SETBP1: variants seen among roughly 807,000 people sequenced by gnomAD.
SETBP1 encodes the protein SET-binding protein.
In SETBP1, 9 loss-of-function variants were observed where a neutral mutation model predicts 101.0. That is an observed-to-expected ratio of 0.09 (90% CI 0.05 to 0.16). The LOEUF (loss-of-function observed/expected upper bound fraction) is 0.16. SETBP1 is among the 10% of genes least tolerant of loss of function. The probability of loss-of-function intolerance (pLI) is 1.00; values close to 1 mark genes in which losing one functional copy is unlikely to be tolerated. For missense variants in SETBP1, 1,858 were observed against 2,033.8 expected (o/e 0.91, Z 1.66); for synonymous variants, 818 against 788.5 (o/e 1.04, Z -0.63).
At chr18:44,917,761 G>A (rs1165574580) in intron 3 of SETBP1, among the ~76,000 whole-genome samples, 2 of 152,146 alleles carry the variant, frequency 1.3e-5, no homozygotes, top group African/African-American at 4.8e-5. Context: ...GTGCCCTGGA[G>A]CTCTGTGTCC....
chr18:44,800,572 T>C (rs1229028723), intron 2 of SETBP1, among the ~76,000 whole-genome samples: 2 of 151,848 alleles, frequency 1.3e-5, no homozygotes, highest in East Asian at 3.9e-4. Flanking sequence ...TGCAGAGGGG[T>C]GAGCAGGAGT....
chr18:44,716,649 A>T (rs904674762), intron 2 of SETBP1, among the ~76,000 whole-genome samples: 1 of 151,988 alleles, frequency 6.6e-6, no homozygotes, highest in Non-Finnish European at 1.5e-5. Context: ...TGCAACCTCC[A>T]ACTCCCAGGT....
intron 2 of SETBP1, among the ~76,000 whole-genome samples, chr18:44,719,587 C>T (rs2069540581): frequency 6.6e-6 from 1 of 152,256 alleles, no homozygotes; most frequent in Admixed American, 6.5e-5. Flanking sequence ...CTGCAGATAC[C>T]CTATAAGCAG....
intron 3 of SETBP1, among the ~76,000 whole-genome samples, chr18:44,946,614 T>C (rs910290148): frequency 9.2e-5 from 14 of 152,242 alleles, no homozygotes; most frequent in Non-Finnish European, 1.5e-5. Flanking sequence ...CATCATCAAA[T>C]GACAGATTAG....
chr18:44,962,184 G>A (rs141074673), intron 4 of SETBP1, among the ~76,000 whole-genome samples: 5 of 152,308 alleles, frequency 3.3e-5, no homozygotes, highest in East Asian at 1.9e-4. Context: ...TGGGAGCTGC[G>A]GGGACCCAGG....
At chr18:44,727,503 AG>A (rs1361925969) in intron 2 of SETBP1, among the ~76,000 whole-genome samples, 1 of 152,194 alleles carries the variant, frequency 6.6e-6, no homozygotes, top group Admixed American at 6.5e-5. Flanking sequence ...GATGGACAGT[AG>A]GTGGACACTG....
intron 3 of SETBP1, among the ~76,000 whole-genome samples, chr18:44,905,544 A>G (rs997912684): frequency 6.6e-6 from 1 of 151,576 alleles, no homozygotes; most frequent in African/African-American, 2.4e-5. Context: ...ATGGGTGCTA[A>G]GAGAATTTCC....
chr18:44,918,717 T>G (rs1421202318), intron 3 of SETBP1, among the ~76,000 whole-genome samples: 1 of 152,208 alleles, frequency 6.6e-6, no homozygotes, highest in African/African-American at 2.4e-5. Context: ...TGCTAGAATG[T>G]TTACAAAAGA....
intron 3 of SETBP1, among the ~76,000 whole-genome samples, chr18:44,908,728 C>T (rs533670083): frequency 1.3e-5 from 2 of 152,256 alleles, no homozygotes; most frequent in East Asian, 3.9e-4. Flanking sequence ...TGTAGAAAGG[C>T]TCTCCTAGAT....
At chr18:44,921,898 A>C (rs912843807) in intron 3 of SETBP1, among the ~76,000 whole-genome samples, 1 of 152,220 alleles carries the variant, frequency 6.6e-6, no homozygotes, top group Non-Finnish European at 1.5e-5. Flanking sequence ...CCAGGGCACA[A>C]GGAACTCCAC....
intron 4 of SETBP1, among the ~76,000 whole-genome samples, chr18:44,957,800 A>T (rs1459560703): frequency 6.6e-6 from 1 of 152,226 alleles, no homozygotes; most frequent in Non-Finnish European, 1.5e-5. Flanking sequence ...ATGTTTCAGG[A>T]TCATTTCCTT....
Position 44,858,308 on chromosome 18 carries a change from C to T in SETBP1, c.487-10922C>T, listed in dbSNP as rs949982891. Among the ~76,000 whole-genome samples, 8 of 152,290 alleles carry T rather than the reference C, an allele frequency of 5.3e-5. No homozygotes were observed. In the East Asian group the frequency reaches 1.4e-3, roughly 26 times the overall value. On this transcript the variant is annotated intron_variant, in intron 2 of 5. Transcript: ENST00000649279. ...TCCCAATGCTAAGGAGTGGCAGGAC[C>T]GAATCCTGGCATTTGCAATGCCAGT...
At chr18:45,044,920 G>A (rs1464792486) in intron 5 of SETBP1, among the ~76,000 whole-genome samples, 2 of 152,092 alleles carry the variant, frequency 1.3e-5, no homozygotes, top group Non-Finnish European at 2.9e-5. Flanking sequence ...ATAACCTCGT[G>A]GTTTATCTCT....
chr18:44,971,647 CAT>C (rs1358619980), intron 4 of SETBP1, among the ~76,000 whole-genome samples: 27 of 152,164 alleles, frequency 1.8e-4, no homozygotes, highest in African/African-American at 6.3e-4. Context: ...CATTTTTTCA[CAT>C]GTCTTTTGGC....
At position 45,063,941 on chromosome 18, in the gene SETBP1, T is replaced by G; in HGVS notation, c.*243T>G. On this transcript the variant is annotated 3_prime_UTR_variant, in exon 6 of 6. Coordinates refer to ENST00000649279, the MANE Select transcript of SETBP1 (RefSeq NM_015559.3). ...CACCGCAGCTCCCACCACGCGGCGC[T>G]TCAGTACGGCTGGATCCTCCGCAGG... is the stretch of plus-strand genomic sequence containing the variant. 1 of 453,694 alleles carries G rather than the reference T, an allele frequency of 2.2e-6. No homozygotes were observed. The highest frequency in any genetic ancestry group is 4.0e-6 in the Non-Finnish European group (1 of 247,584). The allele number at this position is 453,694 out of a possible 1,614,324, so 28.1% of individuals were successfully genotyped here. A position where few individuals can be genotyped will look rare whatever the true frequency, so the allele number is the denominator to read the frequency against.
intron 2 of SETBP1, among the ~76,000 whole-genome samples, chr18:44,849,694 G>GA (rs2072806885): frequency 6.9e-6 from 1 of 144,868 alleles, no homozygotes; most frequent in Non-Finnish European, 1.5e-5. Flanking sequence ...GAGAGAGAGA[G>GA]GAGTTCAGCT....
chr18:44,919,607 C>T (rs1160815758), intron 3 of SETBP1, among the ~76,000 whole-genome samples: 2 of 152,056 alleles, frequency 1.3e-5, no homozygotes, highest in African/African-American at 4.8e-5. Context: ...CTCAGCCTCC[C>T]TAAGTGCTGG....
chr18:45,029,385 A>G (rs541381181), intron 4 of SETBP1, among the ~76,000 whole-genome samples: 1 of 152,156 alleles, frequency 6.6e-6, no homozygotes, highest in African/African-American at 2.4e-5. Flanking sequence ...CTGTTTTGGT[A>G]CCAGTACCAT....
intron 2 of SETBP1, among the ~76,000 whole-genome samples, chr18:44,834,999 C>T (rs967460537): frequency 7.2e-5 from 11 of 152,196 alleles, no homozygotes; most frequent in African/African-American, 2.4e-4. Flanking sequence ...GACAGACAGG[C>T]GACTAGGCTG....
Sources: allele counts gnomAD v4.1 joint callset (sites outside exome capture counted in the v4.1 genomes callset), GRCh38; gene constraint gnomAD v4.1.1; transcripts MANE v1.5; gene names NCBI Gene and HGNC (gene_info 2026-07-23, HGNC 2026-07-21).